POC1B: variants seen among roughly 807,000 people sequenced by gnomAD.
The protein encoded by POC1B is POC1 centriolar protein homolog B.
In POC1B, 44 loss-of-function variants were observed where a neutral mutation model predicts 60.6. The ratio of observed to expected loss-of-function variants is 0.73; its 90% CI spans 0.57 to 0.93. The LOEUF is 0.93. POC1B is among the 40% of genes least tolerant of loss of function. The pLI is 0.00. For missense variants in POC1B, 555 were observed against 572.3 expected (o/e 0.97, Z 0.31); for synonymous variants, 180 against 198.9 (o/e 0.90, Z 0.80).
intron 4 of POC1B, among the ~76,000 whole-genome samples, chr12:89,477,082 A>G (rs34937414): frequency 0.023 from 3,503 of 152,268 alleles, 63 homozygotes; most frequent in Non-Finnish European, 0.038. Flanking sequence ...CGTAATGGCC[A>G]CCATTTCCTA....
intron 2 of POC1B, chr12:89,500,018 T>G: frequency 2.0e-6 from 2 of 978,526 alleles, no homozygotes; most frequent in South Asian, 2.8e-5. Context: ...ATTCATTTCT[T>G]GCTCGGCCTC....
the POC1B span, among the ~76,000 whole-genome samples, chr12:89,408,154 G>A: frequency 6.6e-6 from 1 of 152,186 alleles, no homozygotes; most frequent in East Asian, 1.9e-4. Context: ...TTTTAGGGCT[G>A]CATAGTATTC....
chr12:89,410,616 C>T, the POC1B span, among the ~76,000 whole-genome samples: 2 of 150,102 alleles, frequency 1.3e-5, no homozygotes, highest in African/African-American at 2.4e-5. Flanking sequence ...AGAGGCGGAG[C>T]TTGCAGTGAG....
chr12:89,444,514 A>G (rs1881680113), intron 10 of POC1B, among the ~76,000 whole-genome samples: 1 of 152,238 alleles, frequency 6.6e-6, no homozygotes, highest in South Asian at 2.1e-4. Context: ...CCACACAATT[A>G]TCTCAATAGA....
chr12:89,406,140 A>G, the POC1B span, among the ~76,000 whole-genome samples: 2 of 152,130 alleles, frequency 1.3e-5, no homozygotes, highest in African/African-American at 4.8e-5. Context: ...ACAGAGACAC[A>G]TGGCCAAGCT....
chr12:89,482,932 T>A lies in POC1B; in HGVS notation c.452+9004A>T, dbSNP rs561051153. On this transcript the variant is annotated intron_variant, in intron 4 of 11. Transcript: ENST00000313546. The stretch of plus-strand genomic sequence containing the variant: ...GGTTACCCTAACGCTATTCTTTTTT[T>A]TTTTTTTTTGAGATGGAGTTTCGCT... Among the ~76,000 whole-genome samples, 420 of 152,010 alleles carry A rather than the reference T, an allele frequency of 2.8e-3. 2 individuals carry two copies. The highest frequency in any genetic ancestry group is 9.7e-3 in the African/African-American group (402 of 41,464).
At chr12:89,437,866 G>T (rs949715004) in intron 10 of POC1B, among the ~76,000 whole-genome samples, 3 of 151,292 alleles carry the variant, frequency 2.0e-5, no homozygotes, top group African/African-American at 7.3e-5. Flanking sequence ...TGGCCAACAT[G>T]GTGAAACCCC....
Position 89,421,154 on chromosome 12 carries a change from C to T in POC1B, c.1436G>A (p.Ter479=). Residue 479 remains the stop codon, a stop_retained_variant, in exon 12 of 12, where the codon TGA becomes TAA. Coordinates refer to ENST00000313546, the MANE Select transcript of POC1B (RefSeq NM_172240.3). The part of the protein sequence containing the change: ...KLFSAVQQKS[*] ...AACAAATGAAAATGAATTTTTTATT[C>T]AGCTTTTCTGTTGGACAGCACTGAA... is the stretch of plus-strand genomic sequence containing the variant. 6.3e-7 allele frequency: 1 copy of T among 1,578,624 alleles called. No homozygotes were observed. The highest frequency in any genetic ancestry group is 1.7e-4 in the Middle Eastern group (1 of 5,962).
chr12:89,520,395 A>G (rs1014843689), intron 2 of POC1B: 5 of 152,106 alleles, frequency 3.3e-5, no homozygotes, highest in African/African-American at 1.2e-4. Context: ...AATAAATAAA[A>G]AGAGAAAATT....
intron 2 of POC1B, chr12:89,523,367 A>G (rs1476504987): frequency 2.5e-6 from 4 of 1,614,056 alleles, no homozygotes; most frequent in East Asian, 4.5e-5. Flanking sequence ...TTTCTATTGT[A>G]GAAGTGCTCT....
At chr12:89,440,807 A>T (rs1008173096) in intron 10 of POC1B, among the ~76,000 whole-genome samples, 3 of 152,218 alleles carry the variant, frequency 2.0e-5, no homozygotes, top group African/African-American at 7.2e-5. Flanking sequence ...GCATGAGCCG[A>T]AGCAGGGCGG....
rs1419161606 is a variant in POC1B, at chr12:89,435,527, A to T, written c.1114-10148T>A. Among the ~76,000 whole-genome samples, 3 of 152,158 alleles carry T rather than the reference A, an allele frequency of 2.0e-5. No individual in the cohort carries two copies. In the East Asian group the frequency reaches 5.8e-4, roughly 29 times the overall value. On this transcript the variant is annotated intron_variant, in intron 10 of 11. Transcript: ENST00000313546. Reference sequence around the variant, plus strand: ...TTATGAGTAGAGTATCAAATCCTTCATCATAAATAACAAAAAATAAGATTC... The same window carrying T: ...TTATGAGTAGAGTATCAAATCCTTCTTCATAAATAACAAAAAATAAGATTC...
the POC1B span, among the ~76,000 whole-genome samples, chr12:89,406,442 G>A: frequency 6.6e-6 from 1 of 151,860 alleles, no homozygotes; most frequent in South Asian, 2.1e-4. Context: ...ATTAACTTAA[G>A]GCTCTATGGT....
intron 4 of POC1B, among the ~76,000 whole-genome samples, chr12:89,487,045 T>G (rs1176321148): frequency 6.6e-6 from 1 of 152,126 alleles, no homozygotes; most frequent in Admixed American, 6.5e-5. Context: ...CTCTGCTCTC[T>G]TCTGAATTAA....
chr12:89,480,178 T>C (rs1378465460), intron 4 of POC1B, among the ~76,000 whole-genome samples: 2 of 151,758 alleles, frequency 1.3e-5, no homozygotes, highest in East Asian at 1.9e-4. Context: ...ACTCCATTAG[T>C]CAGGCTGAAG....
chr12:89,458,729 T>A (rs1001474470), intron 10 of POC1B, among the ~76,000 whole-genome samples: 1 of 152,178 alleles, frequency 6.6e-6, no homozygotes, highest in African/African-American at 2.4e-5. Flanking sequence ...GGCTACAAAT[T>A]AAAAATGTAC....
intron 4 of POC1B, among the ~76,000 whole-genome samples, chr12:89,486,054 T>G (rs907428189): frequency 6.6e-6 from 1 of 152,170 alleles, no homozygotes; most frequent in African/African-American, 2.4e-5. Flanking sequence ...CCCACCACTC[T>G]TCATCTTGTT....
At position 89,475,910 on chromosome 12, in the gene POC1B, C is replaced by CTTTTT. The variant is rs972058107; in HGVS notation, c.453-3640_453-3636dup. ...ATTCACTCAAAAGAATGAGGGAATT[C>CTTTTT]TTTTTTTTTTTTTTTTTTTTTTTTG... On this transcript the variant is annotated intron_variant, in intron 4 of 11. Transcript: ENST00000313546. Among the ~76,000 whole-genome samples, 275 of 86,106 alleles carry CTTTTT rather than the reference C, an allele frequency of 3.2e-3. 22 individuals carry two copies. Among genetic ancestry groups the CTTTTT allele is most frequent in the African/African-American group, 0.01 (223 of 21,402 alleles). 56.5% of individuals were successfully genotyped at this position (86,106 alleles called of 152,430 possible).
At chr12:89,459,072 T>C (rs1348005801) in intron 10 of POC1B, among the ~76,000 whole-genome samples, 2 of 152,174 alleles carry the variant, frequency 1.3e-5, no homozygotes, top group African/African-American at 4.8e-5. Flanking sequence ...ATGAGAAGAC[T>C]AGAAGTAAGT....
Sources: allele counts gnomAD v4.1 joint callset (sites outside exome capture counted in the v4.1 genomes callset), GRCh38; gene constraint gnomAD v4.1.1; transcripts MANE v1.5; gene names NCBI Gene and HGNC (gene_info 2026-07-23, HGNC 2026-07-21).